Variants in VPS13B observed in about 807,000 individuals in gnomAD.
VPS13B encodes the protein vacuolar protein sorting 13 homolog B, also known as intermembrane lipid transfer protein VPS13B.
A neutral mutation model predicts 426.4 loss-of-function variants in VPS13B; 285 were observed. The ratio of observed to expected loss-of-function variants is 0.67; its 90% CI spans 0.61 to 0.74. The LOEUF is 0.74. VPS13B is among the 30% of genes least tolerant of loss of function. The pLI is 0.00. For synonymous variants in VPS13B, 1,676 were observed against 1,676.4 expected (o/e 1.00, Z 0.01); for missense variants, 4,537 against 4,782.6 (o/e 0.95, Z 1.51).
At chr8:99,270,654 T>A (rs1164156003) in intron 17 of VPS13B, among the ~76,000 whole-genome samples, 1 of 152,202 alleles carries the variant, frequency 6.6e-6, no homozygotes, top group African/African-American at 2.4e-5. Flanking sequence ...CTAATTCAGA[T>A]TTTTGGTTCT....
At chr8:99,868,069 G>C in intron 58 of VPS13B, 2 of 547,294 alleles carry the variant, frequency 3.7e-6, no homozygotes, top group Non-Finnish European at 6.5e-6. Flanking sequence ...TCCTGACTGT[G>C]TGGACCAAAC....
At chr8:99,858,951 CCACCTGCAAA>C (rs1816692859) in intron 56 of VPS13B, among the ~76,000 whole-genome samples, 1 of 152,136 alleles carries the variant, frequency 6.6e-6, no homozygotes, top group African/African-American at 2.4e-5. Context: ...AGAGAACCTC[CCACCTGCAAA>C]CACCTGCAAC....
At chr8:99,864,586 C>T (rs1817000287) in intron 58 of VPS13B, among the ~76,000 whole-genome samples, 1 of 152,054 alleles carries the variant, frequency 6.6e-6, no homozygotes, top group Non-Finnish European at 1.5e-5. Context: ...TAGTTTTAAA[C>T]CCATGCCAGT....
At chr8:99,692,854 AAAGGGGATATC>A (rs1831747717) in intron 35 of VPS13B, among the ~76,000 whole-genome samples, 1 of 146,834 alleles carries the variant, frequency 6.8e-6, no homozygotes. Flanking sequence ...AAAAAATGAT[AAAGGGGATATC>A]ACCACCGATC....
At chr8:99,065,603 G>T (rs1844442691) in intron 3 of VPS13B, among the ~76,000 whole-genome samples, 1 of 152,144 alleles carries the variant, frequency 6.6e-6, no homozygotes, top group African/African-American at 2.4e-5. Flanking sequence ...ACAACACAGG[G>T]ATGCCCTCTC....
At chr8:99,378,965 C>T (rs935045439) in intron 19 of VPS13B, among the ~76,000 whole-genome samples, 3 of 152,130 alleles carry the variant, frequency 2.0e-5, no homozygotes, top group African/African-American at 7.2e-5. Flanking sequence ...AGTTCCATTC[C>T]ATGGCTTGTT....
intron 17 of VPS13B, among the ~76,000 whole-genome samples, chr8:99,244,736 T>TA (rs150777770): frequency 0.066 from 10,105 of 152,282 alleles, 462 homozygotes; most frequent in Non-Finnish European, 0.1. Flanking sequence ...ATGATAAACT[T>TA]ATGAGAGTCT....
chr8:99,236,262 T>G (rs1388486686), intron 17 of VPS13B, among the ~76,000 whole-genome samples: 1 of 152,158 alleles, frequency 6.6e-6, no homozygotes, highest in African/African-American at 2.4e-5. Flanking sequence ...TTTTTTTTTT[T>G]TTTTAAAGAC....
Position 99,298,100 on chromosome 8 carries a change from A to G in VPS13B, c.2824+22846A>G, listed in dbSNP as rs576390906. 9.8e-5 allele frequency among the ~76,000 whole-genome samples: 15 copies of G among 152,364 alleles called. No homozygotes were observed. The South Asian group carries it at 2.5e-3, about 25-fold the overall frequency. On this transcript the variant is annotated intron_variant, in intron 19 of 61. Coordinates refer to ENST00000357162, the MANE Select transcript of VPS13B (RefSeq NM_152564.5). ...ATTGTCAAAAGTTTATTCTTCAAAT[A>G]TTAGTGCTAAATAAGTTTAACTACA...
At chr8:99,245,759 G>A (rs1315613649) in intron 17 of VPS13B, among the ~76,000 whole-genome samples, 2 of 152,102 alleles carry the variant, frequency 1.3e-5, no homozygotes, top group Non-Finnish European at 2.9e-5. Context: ...GGCCAGGCTG[G>A]CCTCAAACTC....
At chr8:99,205,360 A>C (rs564190166) in intron 17 of VPS13B, among the ~76,000 whole-genome samples, 1 of 151,842 alleles carries the variant, frequency 6.6e-6, no homozygotes, top group Non-Finnish European at 1.5e-5. Context: ...GTTGTGGGGT[A>C]GGGGGATAGG....
intron 3 of VPS13B, among the ~76,000 whole-genome samples, chr8:99,057,089 A>C (rs865888956): frequency 4.4e-5 from 5 of 112,370 alleles, no homozygotes; most frequent in Middle Eastern, 4.8e-3. Context: ...ACCTTGCTTA[A>C]CTGTTTAATT....
At chr8:99,296,059 T>C (rs1463095535) in intron 19 of VPS13B, among the ~76,000 whole-genome samples, 2 of 152,164 alleles carry the variant, frequency 1.3e-5, no homozygotes, top group Non-Finnish European at 2.9e-5. Flanking sequence ...GTATAGTTCC[T>C]ATAGTTTCTA....
chr8:99,667,418 T>G (rs574746074), intron 35 of VPS13B, among the ~76,000 whole-genome samples: 3 of 152,326 alleles, frequency 2.0e-5, no homozygotes, highest in African/African-American at 7.2e-5. Context: ...GTTTTTAGAA[T>G]GGTGCTTTGA....
At chr8:99,739,394 G>C (rs1330772030) in intron 39 of VPS13B, among the ~76,000 whole-genome samples, 3 of 152,206 alleles carry the variant, frequency 2.0e-5, no homozygotes, top group Non-Finnish European at 4.4e-5. Context: ...TCCACCTCTG[G>C]GGGCAGGGCA....
chr8:99,222,062 A>G (rs980958151), intron 17 of VPS13B, among the ~76,000 whole-genome samples: 5 of 152,228 alleles, frequency 3.3e-5, no homozygotes, highest in Non-Finnish European at 5.9e-5. Flanking sequence ...TCAAATATTC[A>G]GACTCACCCC....
intron 23 of VPS13B, among the ~76,000 whole-genome samples, chr8:99,462,891 T>C (rs1818912395): frequency 6.6e-6 from 1 of 152,166 alleles, no homozygotes; most frequent in Non-Finnish European, 1.5e-5. Flanking sequence ...AAGAGTGTTC[T>C]TACCAGGAAC....
At chr8:99,193,256 G>C (rs1813706439) in intron 17 of VPS13B, among the ~76,000 whole-genome samples, 199 bp downstream of exon 17, 1 of 152,038 alleles carries the variant, frequency 6.6e-6, no homozygotes. Flanking sequence ...ACCTATTTCT[G>C]CATATGTTTC....
intron 33 of VPS13B, among the ~76,000 whole-genome samples, chr8:99,634,025 T>C (rs187924880): frequency 8.5e-5 from 13 of 152,104 alleles, no homozygotes; most frequent in Admixed American, 7.2e-4. Flanking sequence ...TTAAACTATA[T>C]GCAAAGTTTT....
Sources: allele counts gnomAD v4.1 joint callset (sites outside exome capture counted in the v4.1 genomes callset), GRCh38; gene constraint gnomAD v4.1.1; transcripts MANE v1.5; gene names NCBI Gene and HGNC (gene_info 2026-07-23, HGNC 2026-07-21).